SCN7A: variants seen among roughly 807,000 people sequenced by gnomAD.
SCN7A encodes the protein sodium voltage-gated channel alpha subunit 7.
SCN7A carries 138 observed loss-of-function variants against 155.2 expected under a neutral mutation model. The ratio of observed to expected loss-of-function variants is 0.89; its 90% CI spans 0.77 to 1.02. The LOEUF is 1.02. Ranked by LOEUF, SCN7A falls within the 50% of genes least tolerant of loss-of-function variation. SCN7A has a pLI of 0.00. For missense variants in SCN7A, 2,058 were observed against 1,986.6 expected (o/e 1.04, Z -0.68); for synonymous variants, 693 against 649.0 (o/e 1.07, Z -1.03).
intron 11 of SCN7A, among the ~76,000 whole-genome samples, chr2:166,454,591 A>C (rs2105459947): frequency 6.6e-6 from 1 of 152,276 alleles, no homozygotes; most frequent in South Asian, 2.1e-4. Flanking sequence ...TATATATTCC[A>C]CTTCGTGGCA....
Position 166,449,108 on chromosome 2 carries a change from CT to C in SCN7A, c.1291-1401del, listed in dbSNP as rs555437020. On this transcript the variant is annotated intron_variant, in intron 11 of 25. Transcript: ENST00000643258. ...TGGTAAGACAGTTAAAACTCCCAGG[CT>C]TTGTTGTAGATATTACAAATTCTAT... Among the ~76,000 whole-genome samples the C allele has an allele frequency of 4.3e-3, 657 of 152,254 alleles. 1 individual carries two copies. Among genetic ancestry groups the C allele is most frequent in the Non-Finnish European group, 7.5e-3 (509 of 68,022 alleles).
At chr2:166,421,405 C>T (rs1701508972) in intron 19 of SCN7A, 108 bp from the exon 20 acceptor site, 1 of 502,718 alleles carries the variant, frequency 2.0e-6, no homozygotes, top group Non-Finnish European at 3.3e-6. Context: ...TAAAAGCTTA[C>T]CAGTAAATTC....
intron 11 of SCN7A, among the ~76,000 whole-genome samples, chr2:166,455,022 T>C (rs778008067): frequency 2.7e-4 from 41 of 152,292 alleles, no homozygotes; most frequent in Middle Eastern, 3.4e-3. Flanking sequence ...GATTTAATTA[T>C]TTCAGGAATA....
intron 19 of SCN7A, 88 bp from the exon 20 acceptor site, chr2:166,421,385 A>G (rs1168938613): frequency 1.6e-6 from 1 of 626,152 alleles, no homozygotes; most frequent in Non-Finnish European, 2.5e-6. Context: ...ATTACAACAG[A>G]TATATACAAT....
intron 19 of SCN7A, 27 bp downstream of exon 19, chr2:166,423,232 G>A: frequency 6.3e-7 from 1 of 1,588,386 alleles, no homozygotes. Flanking sequence ...AAATCAAATA[G>A]CCTTTCATTT....
Position 166,489,426 on chromosome 2 carries a change from A to AC in SCN7A, c.-127-2459dup, listed in dbSNP as rs555107854. Among the ~76,000 whole-genome samples, 322 of 152,334 alleles carry AC rather than the reference A, an allele frequency of 2.1e-3. 1 individual carries two copies. The highest frequency in any genetic ancestry group is 3.9e-3 in the Non-Finnish European group (262 of 68,032). The stretch of plus-strand genomic sequence containing the variant: ...TTTCTATATTACTTGAACATAACGC[A>AC]CCATGTGTATGTATTACCAAAGCCC... On this transcript the variant is annotated intron_variant, in intron 1 of 25. Coordinates refer to ENST00000643258, the MANE Select transcript of SCN7A (RefSeq NM_002976.4).
In SCN7A at chr2:166,412,608, A is replaced by G; in HGVS notation, c.3528T>C (p.Phe1176=). 6.6e-7 allele frequency: 1 copy of G among 1,523,864 alleles called. No homozygotes were observed. Among genetic ancestry groups the G allele is most frequent in the Non-Finnish European group, 8.8e-7 (1 of 1,137,430 alleles). The allele number at this position is 1,523,864 out of a possible 1,614,324, so 94.4% of individuals were successfully genotyped here. A position where few individuals can be genotyped will look rare whatever the true frequency, so the allele number is the denominator to read the frequency against. Residue 1176 remains phenylalanine (F), a synonymous_variant, in exon 23 of 26, where the codon TTT becomes TTC. Coordinates refer to ENST00000643258, the MANE Select transcript of SCN7A (RefSeq NM_002976.4). ...NIYMYCYFIN[F]IIFGVFLPLS... ...GAGGGAGAAATACTCCAAATATAAT[A>G]AAGTTGATAAAGTAACAATACATGT... is the stretch of plus-strand genomic sequence containing the variant.
At chr2:166,445,381 G>A (rs1702041574) in intron 12 of SCN7A, among the ~76,000 whole-genome samples, 1 of 150,176 alleles carries the variant, frequency 6.7e-6, no homozygotes, top group Admixed American at 6.6e-5. Flanking sequence ...AAGAGGGGAG[G>A]GAGGGAGGGA....
In SCN7A at chr2:166,406,516, A is replaced by C; in HGVS notation, c.4113T>G (p.Leu1371=). ...ATGCTGGGAGGGACAGCATCAAAGG[A>C]AGCATCAGATTATGAAACACCTTTG... ...KGPKVFHNLM[L]PLMLSLPALL... Residue 1371 remains leucine (L), a synonymous_variant, in exon 26 of 26, where the codon CTT becomes CTG. Coordinates refer to ENST00000643258, the MANE Select transcript of SCN7A (RefSeq NM_002976.4). 1.2e-6 allele frequency: 2 copies of C among 1,612,876 alleles called. No homozygotes were observed. The highest frequency in any genetic ancestry group is 3.3e-5 in the Admixed American group (2 of 59,810).
At position 166,423,256 on chromosome 2, in the gene SCN7A, T is replaced by C. The variant is rs773784768; in HGVS notation, c.3027+3A>G. On this transcript the variant is annotated splice_donor_region_variant and intron_variant, in intron 19 of 25. Transcript: ENST00000643258. ...AGCCTTTCATTTTCTTTAAAATACG[T>C]ACAATAACAACCACGAAGTCCAGCC... 93 of 1,598,740 alleles carry C rather than the reference T, an allele frequency of 5.8e-5. No individual in the cohort carries two copies. Among genetic ancestry groups the C allele is most frequent in the Non-Finnish European group, 7.6e-5 (89 of 1,175,900 alleles).
chr2:166,460,592 C>A (rs1177301634), intron 10 of SCN7A, among the ~76,000 whole-genome samples: 4 of 151,926 alleles, frequency 2.6e-5, no homozygotes, highest in African/African-American at 7.3e-5. Flanking sequence ...CTACACTGGG[C>A]TTGGGGAAAA....
In SCN7A at chr2:166,472,381, C is replaced by G; in HGVS notation, c.508G>C (p.Ala170Pro). 6.2e-7 allele frequency: 1 copy of G among 1,608,326 alleles called. No homozygotes were observed. The highest frequency in any genetic ancestry group is 8.5e-7 in the Non-Finnish European group (1 of 1,176,428). Reference sequence around the variant, plus strand: ...TCACCGAGGAAGGAAAATGATCCTGCCCAGACACCTCTTGCAAAGAGTTTT... The same window carrying G: ...TCACCGAGGAAGGAAAATGATCCTGGCCAGACACCTCTTGCAAAGAGTTTT... Reference protein sequence around the residue: ...LVKLFARGVWAGSFSFLGDPW... With the variant: ...LVKLFARGVWPGSFSFLGDPW... The change falls in exon 6 of 26, where the codon GCA becomes CCA. Residue 170 changes from alanine to proline, a missense_variant. Physicochemically the swap from Ala to Pro is conservative, Grantham distance 27 (BLOSUM62 -1). Coordinates refer to ENST00000643258, the MANE Select transcript of SCN7A (RefSeq NM_002976.4).
rs532692853 is a variant in SCN7A at position 166,434,219 on chromosome 2, TTCTC to T, written c.2158-1471_2158-1468del. ...TTTAATCCTAATGGGTTACATTTAC[TTCTC>T]TCTATCTAGATCTTCCTATTTCTTA... On this transcript the variant is annotated intron_variant, in intron 15 of 25. Transcript: ENST00000643258. Among the ~76,000 whole-genome samples the T allele has an allele frequency of 1.6e-4, 25 of 152,270 alleles. 1 individual carries two copies. The South Asian group carries it at 1.7e-3, about 10-fold the overall frequency.
Position 166,427,963 on chromosome 2 carries a change from A to G in SCN7A, c.2699-21T>C, listed in dbSNP as rs866785998. 3 of 1,609,686 alleles carry G rather than the reference A, an allele frequency of 1.9e-6. No individual in the cohort carries two copies. In the African/African-American group the frequency reaches 4.0e-5, roughly 22 times the overall value. On this transcript the variant is annotated intron_variant, in intron 17 of 25. Transcript: ENST00000643258. Reference sequence around the variant, plus strand: ...GCAACCTGTCAAGATTGAATTGGTAAGAACAACAATCTAGAAAACTCATGA... The same window carrying G: ...GCAACCTGTCAAGATTGAATTGGTAGGAACAACAATCTAGAAAACTCATGA...
chr2:166,461,741 A>G (rs890198767), intron 10 of SCN7A: 3 of 152,182 alleles, frequency 2.0e-5, no homozygotes, highest in African/African-American at 7.2e-5. Flanking sequence ...TTCAACTGCT[A>G]TAAATTTTGG....
chr2:166,406,498 G>C lies in SCN7A; in HGVS notation c.4131C>G (p.Leu1377=). 6.2e-7 allele frequency: 1 copy of C among 1,612,804 alleles called. No individual in the cohort carries two copies. The highest frequency in any genetic ancestry group is 8.5e-7 in the Non-Finnish European group (1 of 1,179,240). ...GAAGAATGATGTTCAATAATGCTGG[G>C]AGGGACAGCATCAAAGGAAGCATCA... ...HNLMLPLMLS[L]PALLNIILLI... The change falls in exon 26 of 26, where the codon CTC becomes CTG. Residue 1377 remains leucine, a synonymous_variant. Transcript: ENST00000643258.
intron 5 of SCN7A, 72 bp from the exon 6 acceptor site, chr2:166,472,517 T>A: frequency 8.0e-7 from 1 of 1,244,698 alleles, no homozygotes; most frequent in Non-Finnish European, 1.1e-6. Flanking sequence ...ACTATGTTTA[T>A]GATAACTAGC....
rs368257278 is a variant in SCN7A, at chr2:166,406,584, G to A, written c.4045C>T (p.Leu1349Phe). Residue 1349 changes from leucine (L) to phenylalanine (F), a missense_variant, in exon 26 of 26, where the codon CTT (leucine) becomes TTT (phenylalanine). Leu to Phe is a conservative substitution (Grantham distance 22). Transcript: ENST00000643258. ...AGCATGTGAATGATCCGTGAGAGAA[G>A]TATCAGTTGCACAAGTGAAGGAGGC... ...LVPPSLVQLI[L>F]LSRIIHMLRL... is the part of the protein sequence containing the mutation. The A allele has an allele frequency of 1.2e-6, 2 of 1,612,514 alleles. No individual in the cohort carries two copies. The highest frequency in any genetic ancestry group is 1.7e-6 in the Non-Finnish European group (2 of 1,179,090).
intron 11 of SCN7A, among the ~76,000 whole-genome samples, chr2:166,453,831 T>C (rs1357504395): frequency 6.6e-6 from 1 of 152,184 alleles, no homozygotes; most frequent in African/African-American, 2.4e-5. Context: ...CAGTGACCTG[T>C]AGAGCCCTCA....
Sources: allele counts gnomAD v4.1 joint callset (sites outside exome capture counted in the v4.1 genomes callset), GRCh38; gene constraint gnomAD v4.1.1; transcripts MANE v1.5; gene names NCBI Gene and HGNC (gene_info 2026-07-23, HGNC 2026-07-21).